AP3M2: variants seen among roughly 807,000 people sequenced by gnomAD.
AP3M2 encodes the protein AP-3 complex subunit mu-2.
AP3M2 carries 28 observed loss-of-function variants against 41.6 expected under a neutral mutation model. The ratio of observed to expected loss-of-function variants is 0.67; its 90% CI spans 0.50 to 0.92. The LOEUF (loss-of-function observed/expected upper bound fraction) is 0.92. AP3M2 is among the 40% of genes least tolerant of loss of function. AP3M2 has a pLI of 0.00. For synonymous variants in AP3M2, 193 were observed against 186.4 expected (o/e 1.04, Z -0.29); for missense variants, 427 against 521.4 (o/e 0.82, Z 1.76).
At chr8:42,155,880 T>A in intron 2 of AP3M2, 1 of 396,486 alleles carries the variant, frequency 2.5e-6, no homozygotes. Flanking sequence ...AGTCAAAGAG[T>A]TCCTTCTCTT....
At chr8:42,157,754 G>C (rs1285656359) in intron 2 of AP3M2, among the ~76,000 whole-genome samples, 187 bp from the exon 3 acceptor site, 1 of 152,226 alleles carries the variant, frequency 6.6e-6, no homozygotes, top group East Asian at 1.9e-4. Flanking sequence ...CCATAAGCCA[G>C]TCTAGTGCTT....
At chr8:42,166,881 T>C (rs1564119043) in intron 6 of AP3M2, 3 of 392,832 alleles carry the variant, frequency 7.6e-6, no homozygotes, top group Non-Finnish European at 1.4e-5. Flanking sequence ...ATAATGACAA[T>C]ACATTTTTGT....
intron 3 of AP3M2, among the ~76,000 whole-genome samples, 162 bp downstream of exon 3, chr8:42,158,274 A>G (rs547704958): frequency 1.4e-5 from 2 of 146,064 alleles, no homozygotes; most frequent in African/African-American, 5.1e-5. Flanking sequence ...TTTGAGACAG[A>G]GTCTCCCTCT....
intron 2 of AP3M2, 28 bp downstream of exon 2, chr8:42,154,988 T>A: frequency 6.3e-7 from 1 of 1,580,782 alleles, no homozygotes; most frequent in Non-Finnish European, 8.7e-7. Flanking sequence ...AGTTCATATA[T>A]GTAAACCGTA....
At chr8:42,166,973 T>C in intron 6 of AP3M2, 191 bp from the exon 7 acceptor site, 1 of 588,306 alleles carries the variant, frequency 1.7e-6, no homozygotes, top group East Asian at 2.8e-5. Context: ...ATTTAGTTAC[T>C]AGACAGTAGC....
At chr8:42,155,555 T>A (rs1243125052) in intron 2 of AP3M2, among the ~76,000 whole-genome samples, 1 of 152,112 alleles carries the variant, frequency 6.6e-6, no homozygotes, top group African/African-American at 2.4e-5. Flanking sequence ...CATTTTAAGC[T>A]TTTTCTTCAG....
intron 2 of AP3M2, among the ~76,000 whole-genome samples, chr8:42,156,483 G>T (rs1199338895): frequency 1.3e-5 from 2 of 152,172 alleles, no homozygotes; most frequent in Non-Finnish European, 2.9e-5. Flanking sequence ...GCAGCACTTG[G>T]CTGTATTGCG....
rs1204276996 is a variant in AP3M2, at chr8:42,153,065, C to T, written c.-113C>T. ...GCGCGGCGGGCGGGGCGGGGCCTGT[C>T]CGCGCCTAGGAGCAGTGGGCGCTGA... On this transcript the variant is annotated 5_prime_UTR_variant, in exon 1 of 9. Transcript: ENST00000396926. 1.3e-5 allele frequency: 2 copies of T among 151,776 alleles called. No individual in the cohort carries two copies. The highest frequency in any genetic ancestry group is 2.9e-5 in the Non-Finnish European group (2 of 68,022). The allele number at this position is 151,776 out of a possible 1,614,324, so 9.4% of individuals were successfully genotyped here.
chr8:42,158,250 GT>G (rs869114568), intron 3 of AP3M2, 138 bp downstream of exon 3: 27,039 of 225,408 alleles, frequency 0.12, no homozygotes, highest in South Asian at 0.16. Context: ...CTTTGTAGTT[GT>G]TTTTTTTTTT....
In AP3M2 at chr8:42,163,174, T is replaced by C. The variant is rs368437467; in HGVS notation, c.583+756T>C. Among the ~76,000 whole-genome samples, 42 of 151,924 alleles carry C rather than the reference T, an allele frequency of 2.8e-4. No individual in the cohort carries two copies. The South Asian group carries it at 8.5e-3, about 31-fold the overall frequency. The stretch of plus-strand genomic sequence containing the variant: ...TGATGGTATGAGCCTATAGTCCCAA[T>C]TATTGGGAGGCTGAGGTGAGAGGAT... On this transcript the variant is annotated intron_variant, in intron 4 of 8. Coordinates refer to ENST00000396926, the MANE Select transcript of AP3M2 (RefSeq NM_006803.4).
At chr8:42,159,813 C>G (rs1804456069) in intron 3 of AP3M2, among the ~76,000 whole-genome samples, 1 of 152,090 alleles carries the variant, frequency 6.6e-6, no homozygotes, top group Non-Finnish European at 1.5e-5. Context: ...TTGAAAAATA[C>G]ATTTTAAAAG....
At position 42,170,816 on chromosome 8, in the gene AP3M2, G is replaced by A. The variant is rs527820237; in HGVS notation, c.*1755G>A. The A allele has an allele frequency of 5.9e-5, 9 of 152,342 alleles. No homozygotes were observed. Among genetic ancestry groups the A allele is most frequent in the African/African-American group, 1.7e-4 (7 of 41,570 alleles). The allele number at this position is 152,342 out of a possible 1,614,324, so 9.4% of individuals were successfully genotyped here. On this transcript the variant is annotated 3_prime_UTR_variant, in exon 9 of 9. Coordinates refer to ENST00000396926, the MANE Select transcript of AP3M2 (RefSeq NM_006803.4). ...TCAAGTACTTGGAAGCACCTCTCCT[G>A]AGGAACCTACAGGATTCTAAGGTTT...
At position 42,158,117 on chromosome 8, in the gene AP3M2, G is replaced by C; in HGVS notation, c.445+5G>C. 6.2e-7 allele frequency: 1 copy of C among 1,611,244 alleles called. No homozygotes were observed. The highest frequency in any genetic ancestry group is 1.1e-5 in the South Asian group (1 of 90,998). ...CGGTTGTCAACACCATCACAGGTAC[G>C]GCAGAGGGGGAAACTGATAGATAGT... On this transcript the variant is annotated splice_donor_5th_base_variant and intron_variant, in intron 3 of 8. Transcript: ENST00000396926.
rs201679435 is a variant in AP3M2, at chr8:42,165,578, T to G, written c.803+18T>G. ...GCACAGAAGTAAGCAGCTCTTATAA[T>G]TAAGAATGGAATCCGTGTATGTACA... On this transcript the variant is annotated intron_variant, in intron 6 of 8. Coordinates refer to ENST00000396926, the MANE Select transcript of AP3M2 (RefSeq NM_006803.4). The G allele has an allele frequency of 6.2e-7, 1 of 1,613,690 alleles. No individual in the cohort carries two copies.
chr8:42,166,906 T>TC, intron 6 of AP3M2: 1 of 475,682 alleles, frequency 2.1e-6, no homozygotes, highest in South Asian at 2.4e-5. Context: ...TATGCCTTTG[T>TC]CATAGTAGTG....
rs759277553 is a variant in AP3M2, at chr8:42,165,164, C to T, written c.669+8C>T. On this transcript the variant is annotated splice_region_variant and intron_variant, in intron 5 of 8. Coordinates refer to ENST00000396926, the MANE Select transcript of AP3M2 (RefSeq NM_006803.4). ...CTTACACTTTCCTTCATGGTAAAAT[C>T]CTGGGCCAGAGATTAAGTTCTTGGG... is the stretch of plus-strand genomic sequence containing the variant. 3.1e-6 allele frequency: 5 copies of T among 1,612,320 alleles called. No individual in the cohort carries two copies. In the South Asian group the frequency reaches 5.5e-5, roughly 18 times the overall value.
Position 42,165,578 on chromosome 8 carries a change from T to C in AP3M2, c.803+18T>C. 2 of 1,613,690 alleles carry C rather than the reference T, an allele frequency of 1.2e-6. No individual in the cohort carries two copies. Among genetic ancestry groups the C allele is most frequent in the Non-Finnish European group, 1.7e-6 (2 of 1,179,792 alleles). ...GCACAGAAGTAAGCAGCTCTTATAA[T>C]TAAGAATGGAATCCGTGTATGTACA... On this transcript the variant is annotated intron_variant, in intron 6 of 8. Transcript: ENST00000396926.
chr8:42,162,111 A>T (rs2008528939), intron 3 of AP3M2, 170 bp from the exon 4 acceptor site: 1 of 522,504 alleles, frequency 1.9e-6, no homozygotes, highest in Non-Finnish European at 3.1e-6. Flanking sequence ...AAGGGGTTTT[A>T]AAAATAGACT....
intron 1 of AP3M2, chr8:42,153,701 CTG>C (rs1230919371): frequency 2.6e-5 from 4 of 151,722 alleles, no homozygotes; most frequent in African/African-American, 9.7e-5. Context: ...GGTTCTCCCT[CTG>C]TTGCCCGGGC....
Sources: gnomAD v4.1 joint callset for allele counts (sites outside exome capture counted in the v4.1 genomes callset) on GRCh38, gnomAD v4.1.1 for gene constraint, MANE v1.5 for transcripts, NCBI Gene and HGNC (gene_info 2026-07-23, HGNC 2026-07-21) for gene names.